The following GATAD1 variants were observed in gnomAD, a reference collection of about 807,000 sequenced individuals.
GATAD1 encodes GATA zinc finger domain containing 1, also known as GATA zinc finger domain-containing protein 1.
GATAD1 carries 12 observed loss-of-function variants against 26.5 expected under a neutral mutation model. That is an observed-to-expected ratio of 0.45 (90% CI 0.29 to 0.73). The LOEUF (loss-of-function observed/expected upper bound fraction) is 0.73, where lower values mean the gene tolerates loss of function less well. Ranked by LOEUF, GATAD1 falls within the 30% of genes least tolerant of loss-of-function variation. The probability of loss-of-function intolerance (pLI) is 0.10; values close to 1 mark genes in which losing one functional copy is unlikely to be tolerated. For synonymous variants in GATAD1, 129 were observed against 133.1 expected, an observed-to-expected ratio of 0.97 and a Z score of 0.21; for missense variants, 266 against 342.1, an observed-to-expected ratio of 0.78 and a Z score of 1.75.
At chr7:92,488,640 CAG>C in the GATAD1 span, among the ~76,000 whole-genome samples, 1 of 151,936 alleles carries the variant, frequency 6.6e-6, no homozygotes, top group Non-Finnish European at 1.5e-5. Flanking sequence ...GAAGGCAAAA[CAG>C]GTATTTTTAT....
At chr7:92,489,646 A>C in the GATAD1 span, 1 of 1,395,048 alleles carries the variant, frequency 7.2e-7, no homozygotes, top group Non-Finnish European at 1.0e-6. Flanking sequence ...TCAAAGAAAT[A>C]TATATCAAAA....
chr7:92,467,525 G>A, the GATAD1 span, among the ~76,000 whole-genome samples: 6 of 152,224 alleles, frequency 3.9e-5, no homozygotes, highest in African/African-American at 1.2e-4. Flanking sequence ...TTTGGCTTAG[G>A]CCCTCATGTC....
At chr7:92,483,086 C>G in the GATAD1 span, among the ~76,000 whole-genome samples, 3 of 151,928 alleles carry the variant, frequency 2.0e-5, no homozygotes, top group East Asian at 5.8e-4. Flanking sequence ...GGGAAGGAGT[C>G]AGTCAGAGAG....
downstream of GATAD1, among the ~76,000 whole-genome samples, chr7:92,462,392 A>C (rs1789952039): frequency 6.6e-6 from 1 of 151,990 alleles, no homozygotes; most frequent in South Asian, 2.1e-4. Context: ...AAAAACACAC[A>C]CATATACACA....
At chr7:92,466,213 C>T in the GATAD1 span, among the ~76,000 whole-genome samples, 132 of 152,188 alleles carry the variant, frequency 8.7e-4, no homozygotes, top group Non-Finnish European at 1.5e-3. Flanking sequence ...GTCACCCGGG[C>T]TGGAGTGCAC....
chr7:92,457,076 C>A lies in GATAD1; in HGVS notation c.*514C>A, dbSNP rs1424362416. Reference sequence around the variant, plus strand: ...TGGGAGGCTGAGGCAGGAGAATCGCCTAAACCCAGGAGGTGGAGGTTGTAG... The same window carrying A: ...TGGGAGGCTGAGGCAGGAGAATCGCATAAACCCAGGAGGTGGAGGTTGTAG... On this transcript the variant is annotated 3_prime_UTR_variant, in exon 5 of 5. Transcript: ENST00000287957. 1.4e-5 allele frequency: 2 copies of A among 146,904 alleles called. No individual in the cohort carries two copies. The highest frequency in any genetic ancestry group is 5.0e-5 in the African/African-American group (2 of 39,652). The allele number at this position is 146,904 out of a possible 1,614,324, so 9.1% of individuals were successfully genotyped here. A position where few individuals can be genotyped will look rare whatever the true frequency, so the allele number is the denominator to read the frequency against.
the GATAD1 span, among the ~76,000 whole-genome samples, chr7:92,486,535 TAA>T: frequency 6.6e-6 from 1 of 152,186 alleles, no homozygotes; most frequent in African/African-American, 2.4e-5. Context: ...AGTGATCCAC[TAA>T]GTCTTTGTTT....
At chr7:92,462,401 C>T (rs562572089), downstream of GATAD1, among the ~76,000 whole-genome samples, 1 of 150,958 alleles carries the variant, frequency 6.6e-6, no homozygotes, top group Non-Finnish European at 1.5e-5. Context: ...CACATATACA[C>T]ATGCATACAT....
intron 4 of GATAD1, among the ~76,000 whole-genome samples, chr7:92,455,778 A>T (rs1264054434): frequency 6.6e-6 from 1 of 152,250 alleles, no homozygotes; most frequent in East Asian, 1.9e-4. Flanking sequence ...CCTTCTGCTT[A>T]TAAGTATATA....
chr7:92,469,386 T>G, the GATAD1 span: 1 of 770,550 alleles, frequency 1.3e-6, no homozygotes, highest in African/African-American at 1.7e-5. Context: ...CAGTACCTAG[T>G]GCACCTAGCA....
the GATAD1 span, among the ~76,000 whole-genome samples, chr7:92,485,040 G>C: frequency 6.6e-6 from 1 of 152,114 alleles, no homozygotes; most frequent in Non-Finnish European, 1.5e-5. Flanking sequence ...GGGCAGGGGC[G>C]GGGGTCACAA....
chr7:92,487,620 C>A, the GATAD1 span: 5 of 606,218 alleles, frequency 8.2e-6, no homozygotes, highest in East Asian at 3.0e-5. Context: ...TTGGCAAACA[C>A]AATTATATTT....
chr7:92,494,942 T>A, the GATAD1 span, among the ~76,000 whole-genome samples: 1 of 151,892 alleles, frequency 6.6e-6, no homozygotes, highest in African/African-American at 2.4e-5. Context: ...CCATGCCTTC[T>A]GGATAGACTA....
chr7:92,489,541 A>G, the GATAD1 span: 1 of 1,066,310 alleles, frequency 9.4e-7, no homozygotes, highest in Non-Finnish European at 1.4e-6. Flanking sequence ...TCTCTTCCTT[A>G]TAAGATAATG....
intron 4 of GATAD1, 102 bp downstream of exon 4, chr7:92,454,787 C>G: frequency 1.3e-6 from 1 of 765,740 alleles, no homozygotes; most frequent in Non-Finnish European, 2.1e-6. Flanking sequence ...GACAAAATAT[C>G]ACAGACTGAG....
the GATAD1 span, among the ~76,000 whole-genome samples, chr7:92,482,835 TG>T: frequency 4.0e-5 from 6 of 151,148 alleles, no homozygotes; most frequent in African/African-American, 1.5e-4. Flanking sequence ...GGCACCAGAG[TG>T]GGGGAGTTTT....
chr7:92,489,424 C>T, the GATAD1 span: 2 of 1,612,132 alleles, frequency 1.2e-6, no homozygotes, highest in Non-Finnish European at 1.7e-6. Context: ...ATTCGTCCTC[C>T]TTAAGTAAAA....
Position 92,447,717 on chromosome 7 carries a change from C to A in GATAD1, c.-13C>A. On this transcript the variant is annotated 5_prime_UTR_variant, in exon 1 of 5. Coordinates refer to ENST00000287957, the MANE Select transcript of GATAD1 (RefSeq NM_021167.5). ...TGTCTCTGCGCCCGCGGGGGCCGCC[C>A]GAGCCGGCCACCATGCCGCTGGGCC... The A allele has an allele frequency of 6.9e-7, 1 of 1,454,330 alleles. No individual in the cohort carries two copies. The highest frequency in any genetic ancestry group is 9.1e-7 in the Non-Finnish European group (1 of 1,102,474). 90.1% of individuals were successfully genotyped at this position (1,454,330 alleles called of 1,614,324 possible). A position where few individuals can be genotyped will look rare whatever the true frequency, so the allele number is the denominator to read the frequency against.
chr7:92,473,291 T>C, the GATAD1 span: 1 of 152,172 alleles, frequency 6.6e-6, no homozygotes, highest in East Asian at 1.9e-4. Flanking sequence ...TGGGTTTCTG[T>C]ACTCCTAAAA....
Sources: gnomAD v4.1 joint callset for allele counts (sites outside exome capture counted in the v4.1 genomes callset) on GRCh38, gnomAD v4.1.1 for gene constraint, MANE v1.5 for transcripts, NCBI Gene and HGNC (gene_info 2026-07-23, HGNC 2026-07-21) for gene names.